DNER: variants seen among roughly 807,000 people sequenced by gnomAD.
DNER encodes the protein delta and Notch-like epidermal growth factor-related receptor.
Under a neutral mutation model 78.2 loss-of-function variants are expected in DNER, and 33 were observed. That is an observed-to-expected ratio of 0.42 (90% CI 0.32 to 0.56). DNER has a LOEUF of 0.56. Ranked by LOEUF, DNER falls within the 20% of genes least tolerant of loss-of-function variation. The pLI, the probability that DNER is intolerant of heterozygous loss-of-function variation, is 0.11. For missense variants in DNER, 918 were observed against 975.3 expected, an observed-to-expected ratio of 0.94 and a Z score of 0.78; for synonymous variants, 417 against 384.8, an observed-to-expected ratio of 1.08 and a Z score of -0.98.
chr2:229,647,308 G>A (rs562544404), intron 1 of DNER, among the ~76,000 whole-genome samples: 9 of 152,296 alleles, frequency 5.9e-5, no homozygotes, highest in South Asian at 2.1e-4. Context: ...AGTCAGGCCC[G>A]AGGGGACAGC....
intron 8 of DNER, among the ~76,000 whole-genome samples, chr2:229,440,476 G>A (rs964409969): frequency 2.6e-5 from 4 of 152,044 alleles, no homozygotes; most frequent in African/African-American, 9.7e-5. Context: ...GCCCTCTCCT[G>A]TGGCCACTAC....
chr2:229,704,697 G>T (rs1020054395), intron 1 of DNER, among the ~76,000 whole-genome samples: 1 of 152,248 alleles, frequency 6.6e-6, no homozygotes, highest in African/African-American at 2.4e-5. Context: ...GGGGCATGAG[G>T]AAATGTATAG....
chr2:229,393,035 A>C (rs1180169454), intron 10 of DNER, among the ~76,000 whole-genome samples: 5 of 152,212 alleles, frequency 3.3e-5, no homozygotes, highest in South Asian at 2.1e-4. Context: ...ATGTGAAATA[A>C]AATATAAAAA....
At chr2:229,517,988 T>C (rs1177492564) in intron 5 of DNER, among the ~76,000 whole-genome samples, 1 of 152,220 alleles carries the variant, frequency 6.6e-6, no homozygotes, top group Non-Finnish European at 1.5e-5. Flanking sequence ...CATAGTAATG[T>C]CGCTCTACGT....
At chr2:229,604,995 C>A (rs1574923858) in intron 1 of DNER, among the ~76,000 whole-genome samples, 1 of 151,932 alleles carries the variant, frequency 6.6e-6, no homozygotes, top group Admixed American at 6.6e-5. Flanking sequence ...TGTCTCATTG[C>A]AAGATTAAAA....
At chr2:229,572,826 T>C (rs182825193) in intron 4 of DNER, among the ~76,000 whole-genome samples, 57 of 152,322 alleles carry the variant, frequency 3.7e-4, no homozygotes, top group Admixed American at 2.0e-3. Flanking sequence ...TACAGTGTTT[T>C]AATTTTTGGT....
intron 10 of DNER, among the ~76,000 whole-genome samples, chr2:229,401,186 C>T (rs764625853): frequency 8.5e-5 from 13 of 152,058 alleles, no homozygotes; most frequent in Middle Eastern, 3.4e-3. Flanking sequence ...CAAATGCTGG[C>T]AAGGATGTAG....
At chr2:229,646,755 G>A (rs944976870) in intron 1 of DNER, among the ~76,000 whole-genome samples, 5 of 152,212 alleles carry the variant, frequency 3.3e-5, no homozygotes, top group South Asian at 4.1e-4. Context: ...AGGTCCTCAG[G>A]GTCCACGGTG....
At chr2:229,630,482 TAATAA>T (rs548705561) in intron 1 of DNER, among the ~76,000 whole-genome samples, 4,109 of 75,582 alleles carry the variant, frequency 0.054, 108 homozygotes, top group Middle Eastern at 0.074. Flanking sequence ...CATCTCAAAA[TAATAA>T]TAATAATAAT....
intron 11 of DNER, among the ~76,000 whole-genome samples, chr2:229,386,938 A>C (rs926617981): frequency 1.3e-5 from 2 of 152,190 alleles, no homozygotes; most frequent in South Asian, 2.1e-4. Flanking sequence ...AGGATCTGGA[A>C]CCAGAAATAC....
At chr2:229,633,255 A>G (rs1196646876) in intron 1 of DNER, among the ~76,000 whole-genome samples, 1 of 152,270 alleles carries the variant, frequency 6.6e-6, no homozygotes, top group Admixed American at 6.5e-5. Flanking sequence ...GTTAAAAAAC[A>G]GAAGCCCCCT....
intron 6 of DNER, among the ~76,000 whole-genome samples, chr2:229,511,858 C>T: frequency 6.6e-6 from 1 of 152,284 alleles, no homozygotes; most frequent in South Asian, 2.1e-4. Flanking sequence ...TATTGCGTAG[C>T]CCCATGTGAA....
intron 11 of DNER, among the ~76,000 whole-genome samples, chr2:229,387,292 T>C (rs11885456): frequency 0.39 from 59,793 of 151,496 alleles, 12,737 homozygotes; most frequent in Middle Eastern, 0.5. Context: ...CACATGGACA[T>C]AGGGAGAGGA....
intron 6 of DNER, among the ~76,000 whole-genome samples, chr2:229,505,177 A>AGAGT (rs1553536168): frequency 7.9e-6 from 1 of 126,448 alleles, no homozygotes; most frequent in Admixed American, 8.1e-5. Context: ...GTGTTGCTGC[A>AGAGT]GTGTGTGTGT....
intron 11 of DNER, among the ~76,000 whole-genome samples, chr2:229,379,228 G>A (rs1224367413): frequency 1.3e-5 from 2 of 152,054 alleles, no homozygotes; most frequent in Non-Finnish European, 2.9e-5. Flanking sequence ...TAGCATAAGA[G>A]GTATAGTAGT....
At chr2:229,407,402 C>T in intron 9 of DNER, 57 bp from the exon 10 acceptor site, 3 of 1,503,230 alleles carry the variant, frequency 2.0e-6, no homozygotes, top group Non-Finnish European at 1.8e-6. Context: ...GCTCCCATGG[C>T]CTCTGAAAGC....
chr2:229,556,898 A>G (rs1696864979), intron 4 of DNER, among the ~76,000 whole-genome samples: 1 of 152,242 alleles, frequency 6.6e-6, no homozygotes, highest in African/African-American at 2.4e-5. Flanking sequence ...CTCAATAAGA[A>G]CAGTGGCTGG....
chr2:229,556,120 T>C (rs16826177), intron 4 of DNER, among the ~76,000 whole-genome samples: 2,888 of 152,320 alleles, frequency 0.019, 101 homozygotes, highest in African/African-American at 0.066. Flanking sequence ...CCAGCAATAA[T>C]GCAAATGAAT....
Position 229,669,369 on chromosome 2 carries a change from C to CATATATATATAT in DNER, c.276+44767_276+44778dup, listed in dbSNP as rs58371383. 6.8e-3 allele frequency among the ~76,000 whole-genome samples: 980 copies of CATATATATATAT among 144,744 alleles called. 11 individuals are homozygous for CATATATATATAT. The highest frequency in any genetic ancestry group is 0.023 in the African/African-American group (898 of 39,262). The allele number at this position is 144,744 out of a possible 152,430, so 95.0% of individuals were successfully genotyped here. On this transcript the variant is annotated intron_variant, in intron 1 of 12. Coordinates refer to ENST00000341772, the MANE Select transcript of DNER (RefSeq NM_139072.4). ...ATCCCAGAACTTTTATGTATACATACATATATATATATATATATAAAAGAA... is the reference window on the plus strand; with the variant it reads ...ATCCCAGAACTTTTATGTATACATACATATATATATATATATATATATATATATATAAAAGAA...
Sources: gnomAD v4.1 joint callset for allele counts (sites outside exome capture counted in the v4.1 genomes callset) on GRCh38, gnomAD v4.1.1 for gene constraint, MANE v1.5 for transcripts, NCBI Gene and HGNC (gene_info 2026-07-23, HGNC 2026-07-21) for gene names.